The following PTPRK variants were observed in gnomAD, a reference collection of about 807,000 sequenced individuals.
The protein encoded by PTPRK is receptor-type tyrosine-protein phosphatase kappa.
A neutral mutation model predicts 178.0 loss-of-function variants in PTPRK; 75 were observed. The observed-to-expected ratio is 0.42, with a 90% confidence interval of 0.35 to 0.51. PTPRK has a LOEUF of 0.51. Among genes scored for constraint, PTPRK ranks in the 20% least tolerant of loss-of-function variants. PTPRK has a pLI of 0.02. For missense variants in PTPRK, 1,441 were observed against 1,797.8 expected, an observed-to-expected ratio of 0.80 and a Z score of 3.59; for synonymous variants, 637 against 620.6, an observed-to-expected ratio of 1.03 and a Z score of -0.39.
chr6:128,503,936 G>T (rs1855937289), intron 1 of PTPRK, among the ~76,000 whole-genome samples: 1 of 151,416 alleles, frequency 6.6e-6, no homozygotes, highest in South Asian at 2.1e-4. Flanking sequence ...ATTAGGGATA[G>T]TAATCAATCC....
intron 1 of PTPRK, among the ~76,000 whole-genome samples, chr6:128,459,787 C>T (rs1334918709): frequency 1.3e-5 from 2 of 152,112 alleles, no homozygotes; most frequent in East Asian, 1.9e-4. Flanking sequence ...TCTTGCATTG[C>T]TATAAAGAAA....
chr6:128,420,810 C>A (rs1314056222), intron 1 of PTPRK, among the ~76,000 whole-genome samples: 1 of 152,126 alleles, frequency 6.6e-6, no homozygotes. Context: ...ATCTGGAGAA[C>A]AGTGTAACAT....
chr6:128,182,163 G>A (rs1176959653), intron 7 of PTPRK, among the ~76,000 whole-genome samples: 1 of 152,138 alleles, frequency 6.6e-6, no homozygotes, highest in East Asian at 1.9e-4. Context: ...AAAACTACAA[G>A]TGATTGAGCC....
intron 2 of PTPRK, among the ~76,000 whole-genome samples, chr6:128,379,727 C>T (rs1343398915): frequency 6.6e-6 from 1 of 152,142 alleles, no homozygotes; most frequent in Non-Finnish European, 1.5e-5. Context: ...TAGATATTCT[C>T]AGACTCTTAT....
chr6:128,072,048 A>T (rs1782917863), intron 11 of PTPRK, among the ~76,000 whole-genome samples: 1 of 152,024 alleles, frequency 6.6e-6, no homozygotes, highest in South Asian at 2.1e-4. Context: ...CTCTAGCTAG[A>T]TCTAAATATT....
intron 7 of PTPRK, among the ~76,000 whole-genome samples, chr6:128,125,428 T>C (rs1793176948): frequency 6.6e-6 from 1 of 152,046 alleles, no homozygotes; most frequent in Non-Finnish European, 1.5e-5. Flanking sequence ...TTTTGCCTTC[T>C]GCCATGATTG....
intron 27 of PTPRK, 58 bp from the exon 28 acceptor site, chr6:127,973,885 T>A: frequency 6.6e-7 from 1 of 1,519,418 alleles, no homozygotes; most frequent in Non-Finnish European, 9.0e-7. Context: ...TACTAAAAAG[T>A]AAAAGGTGCA....
At chr6:128,341,586 C>A (rs1831668208) in intron 2 of PTPRK, among the ~76,000 whole-genome samples, 1 of 152,120 alleles carries the variant, frequency 6.6e-6, no homozygotes, top group South Asian at 2.1e-4. Context: ...AAGATATTTA[C>A]CCCCTTGAAA....
intron 1 of PTPRK, among the ~76,000 whole-genome samples, chr6:128,494,787 G>A (rs1854418539): frequency 6.6e-6 from 1 of 152,180 alleles, no homozygotes; most frequent in African/African-American, 2.4e-5. Context: ...TGATTTATGT[G>A]TGTGAAAGAG....
intron 3 of PTPRK, among the ~76,000 whole-genome samples, chr6:128,250,620 T>A (rs1816313507): frequency 6.6e-6 from 1 of 152,182 alleles, no homozygotes; most frequent in Non-Finnish European, 1.5e-5. Context: ...TTGAGAAAGT[T>A]CTAGATAATT....
At chr6:128,160,685 G>T (rs1798581820) in intron 7 of PTPRK, among the ~76,000 whole-genome samples, 1 of 151,604 alleles carries the variant, frequency 6.6e-6, no homozygotes, top group South Asian at 2.1e-4. Context: ...TTGCTAAATT[G>T]AATGTAATAA....
chr6:128,096,576 T>C (rs1787933661), intron 7 of PTPRK, among the ~76,000 whole-genome samples: 1 of 152,118 alleles, frequency 6.6e-6, no homozygotes, highest in Non-Finnish European at 1.5e-5. Flanking sequence ...ATTATGCAGC[T>C]GTCAGTCAGA....
At chr6:128,140,717 G>A (rs1456138018) in intron 7 of PTPRK, among the ~76,000 whole-genome samples, 1 of 151,854 alleles carries the variant, frequency 6.6e-6, no homozygotes, top group East Asian at 1.9e-4. Flanking sequence ...AAATAAAGAA[G>A]GTAGATATAA....
chr6:128,462,957 T>A (rs982698852), intron 1 of PTPRK, among the ~76,000 whole-genome samples: 1 of 151,982 alleles, frequency 6.6e-6, no homozygotes, highest in East Asian at 1.9e-4. Context: ...CCGTGCCCAG[T>A]CAAAAATAGG....
At chr6:128,483,559 T>C (rs1852386252) in intron 1 of PTPRK, among the ~76,000 whole-genome samples, 1 of 152,142 alleles carries the variant, frequency 6.6e-6, no homozygotes, top group Non-Finnish European at 1.5e-5. Context: ...TATGTATTAA[T>C]TAAGGTGAAC....
chr6:127,995,143 G>T, intron 18 of PTPRK: 1 of 1,128,208 alleles, frequency 8.9e-7, no homozygotes, highest in Non-Finnish European at 1.3e-6. Flanking sequence ...CTAATTAGGT[G>T]AAGCATGCAG....
At chr6:128,199,830 A>G (rs936634167) in intron 6 of PTPRK, among the ~76,000 whole-genome samples, 1 of 152,226 alleles carries the variant, frequency 6.6e-6, no homozygotes, top group Non-Finnish European at 1.5e-5. Flanking sequence ...AAATGCTTCA[A>G]TGTACCAGAT....
intron 1 of PTPRK, among the ~76,000 whole-genome samples, chr6:128,424,946 C>CT (rs540457628): frequency 0.012 from 1,701 of 147,530 alleles, 17 homozygotes; most frequent in South Asian, 0.019. Flanking sequence ...TCCTTTTTTT[C>CT]TTTTTTTTTT....
At chr6:128,273,287 A>G (rs963697916) in intron 3 of PTPRK, among the ~76,000 whole-genome samples, 2 of 152,150 alleles carry the variant, frequency 1.3e-5, no homozygotes, top group Non-Finnish European at 2.9e-5. Context: ...GCAGCACACC[A>G]ATATGGCACA....
Sources: gnomAD v4.1 joint callset for allele counts (sites outside exome capture counted in the v4.1 genomes callset) on GRCh38, gnomAD v4.1.1 for gene constraint, MANE v1.5 for transcripts, NCBI Gene and HGNC (gene_info 2026-07-23, HGNC 2026-07-21) for gene names.